The following RAD51B variants were observed in gnomAD, a reference collection of about 807,000 sequenced individuals.
RAD51B encodes the protein DNA repair protein RAD51 homolog 2.
In RAD51B, 38 loss-of-function variants were observed where a neutral mutation model predicts 42.2. That is an observed-to-expected ratio of 0.90 (90% CI 0.70 to 1.18). RAD51B has a LOEUF of 1.18. RAD51B is among the 50% of genes most tolerant of loss of function. The pLI is 0.00. For missense variants in RAD51B, 373 were observed against 400.7 expected, an observed-to-expected ratio of 0.93 and a Z score of 0.59; for synonymous variants, 154 against 145.2, an observed-to-expected ratio of 1.06 and a Z score of -0.43.
intron 10 of RAD51B, among the ~76,000 whole-genome samples, chr14:68,568,414 A>G (rs1889530332): frequency 6.6e-6 from 1 of 152,228 alleles, no homozygotes; most frequent in Non-Finnish European, 1.5e-5. Context: ...TAAAACCAGA[A>G]GCCCAGTGGT....
chr14:68,560,594 G>A lies in RAD51B; in HGVS notation c.1037-33891G>A, dbSNP rs1309456370. The stretch of plus-strand genomic sequence containing the variant: ...CTACTAAAAATACAAAAATTAGCCG[G>A]GCATGGTGGTGAGCGCCTGTAATCC... On this transcript the variant is annotated intron_variant, in intron 10 of 10. Coordinates refer to the RAD51B transcript ENST00000487270. Among the ~76,000 whole-genome samples, 5 of 152,102 alleles carry A rather than the reference G, an allele frequency of 3.3e-5. 1 individual carries two copies. The highest frequency in any genetic ancestry group is 1.3e-4 in the Admixed American group (2 of 15,280).
chr14:67,848,967 G>A (rs1021826928), intron 4 of RAD51B, among the ~76,000 whole-genome samples: 1 of 152,178 alleles, frequency 6.6e-6, no homozygotes, highest in Non-Finnish European at 1.5e-5. Context: ...GCCTGATGGG[G>A]TTCCTTCTGT....
intron 7 of RAD51B, among the ~76,000 whole-genome samples, chr14:68,261,811 G>C (rs2080896242): frequency 6.6e-6 from 1 of 152,116 alleles, no homozygotes; most frequent in Admixed American, 6.5e-5. Context: ...ACCAGTAACA[G>C]GTATAGGGTT....
intron 10 of RAD51B, among the ~76,000 whole-genome samples, chr14:68,513,933 A>G (rs2140317509): frequency 6.6e-6 from 1 of 152,342 alleles, no homozygotes; most frequent in South Asian, 2.1e-4. Context: ...CCCTTATGGC[A>G]GGAAGCTCTG....
intron 7 of RAD51B, among the ~76,000 whole-genome samples, chr14:67,993,342 C>T (rs567100952): frequency 2.6e-5 from 4 of 152,208 alleles, no homozygotes; most frequent in Admixed American, 6.5e-5. Context: ...CCCTCCATCC[C>T]GCTACACTCC....
At chr14:68,399,313 G>C (rs2084020992) in intron 8 of RAD51B, among the ~76,000 whole-genome samples, 1 of 147,326 alleles carries the variant, frequency 6.8e-6, no homozygotes, top group African/African-American at 2.5e-5. Flanking sequence ...CTGGAGTGCA[G>C]TGGCGCAATC....
intron 5 of RAD51B, among the ~76,000 whole-genome samples, chr14:67,874,134 A>G (rs2140019489): frequency 6.6e-6 from 1 of 152,246 alleles, no homozygotes; most frequent in South Asian, 2.1e-4. Flanking sequence ...GAAAACAAGA[A>G]GAAAACCCAG....
At chr14:67,824,835 T>C (rs558983311) in intron 2 of RAD51B, among the ~76,000 whole-genome samples, 2 of 151,496 alleles carry the variant, frequency 1.3e-5, no homozygotes, top group East Asian at 3.9e-4. Flanking sequence ...TCCCAGCACT[T>C]TGGGAGGCCG....
chr14:68,021,066 C>A (rs570518995), intron 7 of RAD51B, among the ~76,000 whole-genome samples: 13 of 152,290 alleles, frequency 8.5e-5, no homozygotes, highest in African/African-American at 2.9e-4. Context: ...AAACTGAATA[C>A]CCCCCTGGGA....
intron 10 of RAD51B, among the ~76,000 whole-genome samples, chr14:68,574,348 A>G (rs1889863872): frequency 6.6e-6 from 1 of 152,166 alleles, no homozygotes; most frequent in Non-Finnish European, 1.5e-5. Flanking sequence ...TTGGCCTCCC[A>G]AAGTGCTAGG....
chr14:67,905,878 CT>C (rs927621251), intron 7 of RAD51B, among the ~76,000 whole-genome samples: 34 of 152,162 alleles, frequency 2.2e-4, no homozygotes, highest in African/African-American at 8.0e-4. Flanking sequence ...TCCTCTCTTC[CT>C]GTCTGGATGC....
At chr14:68,663,623 C>T (rs548458280) in intron 11 of RAD51B, among the ~76,000 whole-genome samples, 6 of 152,298 alleles carry the variant, frequency 3.9e-5, no homozygotes, top group African/African-American at 4.8e-5. Flanking sequence ...TTGAGTGTGC[C>T]GTCTGTCTCC....
intron 7 of RAD51B, among the ~76,000 whole-genome samples, chr14:68,174,464 A>G (rs1306616449): frequency 6.6e-6 from 1 of 152,184 alleles, no homozygotes; most frequent in Admixed American, 6.6e-5. Flanking sequence ...CATAACCTTG[A>G]CAGATCTCAG....
intron 8 of RAD51B, among the ~76,000 whole-genome samples, chr14:68,301,592 G>GTTTTTTTTTTTTTTTTTT (rs139865933): frequency 9.1e-6 from 1 of 109,778 alleles, no homozygotes; most frequent in African/African-American, 3.3e-5. Flanking sequence ...TTGTTTGTGT[G>GTTTTTTTTTTTTTTTTTT]TTTTTTTTTT....
chr14:68,294,482 T>C (rs1251903860), intron 8 of RAD51B, among the ~76,000 whole-genome samples: 1 of 152,236 alleles, frequency 6.6e-6, no homozygotes, highest in Non-Finnish European at 1.5e-5. Context: ...CACACGCATG[T>C]ATAAATTGCT....
At chr14:68,171,739 C>T (rs1229969841) in intron 7 of RAD51B, among the ~76,000 whole-genome samples, 2 of 151,774 alleles carry the variant, frequency 1.3e-5, no homozygotes, top group African/African-American at 2.4e-5. Flanking sequence ...CGGAGTCTCG[C>T]TCTGTCGCCC....
chr14:68,158,042 A>T (rs1361585861), intron 7 of RAD51B, among the ~76,000 whole-genome samples: 1 of 152,194 alleles, frequency 6.6e-6, no homozygotes, highest in Non-Finnish European at 1.5e-5. Context: ...GATTTATCCC[A>T]TAAAATGAAT....
intron 8 of RAD51B, among the ~76,000 whole-genome samples, chr14:68,314,567 A>G (rs139677757): frequency 9.9e-4 from 151 of 152,346 alleles, no homozygotes; most frequent in African/African-American, 3.3e-3. Flanking sequence ...TCTACAGAGC[A>G]GAGTAATATT....
At chr14:68,196,006 C>T (rs2140914095) in intron 7 of RAD51B, among the ~76,000 whole-genome samples, 1 of 150,910 alleles carries the variant, frequency 6.6e-6, no homozygotes, top group African/African-American at 2.4e-5. Flanking sequence ...GAGTTCAAGA[C>T]CATCCTGGCT....
Sources: gnomAD v4.1 joint callset for allele counts (sites outside exome capture counted in the v4.1 genomes callset) on GRCh38, gnomAD v4.1.1 for gene constraint, MANE v1.5 for transcripts, NCBI Gene and HGNC (gene_info 2026-07-23, HGNC 2026-07-21) for gene names.